Variants in CDYL2 observed in about 807,000 individuals in gnomAD.
CDYL2 encodes the protein chromodomain Y like 2, also known as chromodomain Y-like protein 2.
CDYL2 carries 23 observed loss-of-function variants against 49.4 expected under a neutral mutation model. The observed-to-expected ratio is 0.47, with a 90% confidence interval of 0.34 to 0.66. The LOEUF is 0.66. Ranked by LOEUF, CDYL2 falls within the 30% of genes least tolerant of loss-of-function variation. The pLI is 0.01. For synonymous variants in CDYL2, 360 were observed against 268.8 expected, an observed-to-expected ratio of 1.34 and a Z score of -3.32; for missense variants, 678 against 656.4, an observed-to-expected ratio of 1.03 and a Z score of -0.36.
chr16:80,655,449 C>T (rs1470974282), intron 2 of CDYL2, among the ~76,000 whole-genome samples: 1 of 151,988 alleles, frequency 6.6e-6, no homozygotes, highest in Non-Finnish European at 1.5e-5. Context: ...GTAACTAATA[C>T]CTAAAAAAAT....
intron 1 of CDYL2, among the ~76,000 whole-genome samples, chr16:80,688,245 T>C (rs139088707): frequency 0.02 from 2,996 of 152,256 alleles, 33 homozygotes; most frequent in African/African-American, 0.031. Context: ...GGGTGGCTTG[T>C]CAACAATTTC....
intron 2 of CDYL2, among the ~76,000 whole-genome samples, chr16:80,675,454 T>G (rs1013915765): frequency 2.6e-5 from 4 of 152,162 alleles, no homozygotes; most frequent in Admixed American, 2.0e-4. Context: ...TTACCTGCAG[T>G]AAGACCTCAA....
At position 80,765,731 on chromosome 16, in the gene CDYL2, A is replaced by G. The variant is rs1191596646; in HGVS notation, c.24+38419T>C. Among the ~76,000 whole-genome samples the G allele has an allele frequency of 2.7e-5, 3 of 110,736 alleles. No homozygotes were observed. In the East Asian group the frequency reaches 6.4e-4, roughly 24 times the overall value. 72.6% of individuals were successfully genotyped at this position (110,736 alleles called of 152,430 possible). The stretch of plus-strand genomic sequence containing the variant: ...CCATACAAGGGAGTATTAATCGCAA[A>G]AAAAAAAAAAAAAAAAAAAAGGGAA... On this transcript the variant is annotated intron_variant, in intron 1 of 6. Transcript: ENST00000570137.
chr16:80,624,766 T>C (rs1445093131), intron 3 of CDYL2, among the ~76,000 whole-genome samples: 1 of 151,778 alleles, frequency 6.6e-6, no homozygotes, highest in Non-Finnish European at 1.5e-5. Context: ...AAAAAATAGA[T>C]TTGAGGAGAA....
In CDYL2 at chr16:80,666,393, G is replaced by C. The variant is rs148357607; in HGVS notation, c.616+18145C>G. Among the ~76,000 whole-genome samples the C allele has an allele frequency of 3.9e-3, 589 of 152,248 alleles. 3 individuals carry two copies. Among genetic ancestry groups the C allele is most frequent in the African/African-American group, 0.014 (561 of 41,550 alleles). ...CATAAATTACATGATTTGGGCATTC[G>C]CTCTCTCATAGCAAAGAACTGCGCA... is the stretch of plus-strand genomic sequence containing the variant. On this transcript the variant is annotated intron_variant, in intron 2 of 6. Transcript: ENST00000570137.
intron 1 of CDYL2, among the ~76,000 whole-genome samples, chr16:80,734,810 G>C (rs1322084473): frequency 2.6e-5 from 4 of 152,078 alleles, no homozygotes; most frequent in Non-Finnish European, 5.9e-5. Flanking sequence ...TCCTAATTTT[G>C]TAACCTGCTG....
chr16:80,759,120 A>ATATATATATATATATATTGTT (rs1555535892), intron 1 of CDYL2, among the ~76,000 whole-genome samples: 1 of 122,700 alleles, frequency 8.1e-6, no homozygotes, highest in Non-Finnish European at 1.6e-5. Context: ...ATATATATAT[A>ATATATATATATATATATTGTT]TATATATATA....
chr16:80,669,397 TC>T (rs1469607231), intron 2 of CDYL2, among the ~76,000 whole-genome samples: 1 of 151,994 alleles, frequency 6.6e-6, no homozygotes, highest in African/African-American at 2.4e-5. Context: ...AGGACAATGG[TC>T]CTCAGAACCA....
intron 1 of CDYL2, among the ~76,000 whole-genome samples, chr16:80,773,001 T>C (rs986868796): frequency 6.6e-6 from 1 of 152,158 alleles, no homozygotes; most frequent in Non-Finnish European, 1.5e-5. Context: ...AATATTCCAA[T>C]TAAAACATAA....
intron 2 of CDYL2, among the ~76,000 whole-genome samples, chr16:80,640,434 C>A (rs1213470456): frequency 6.6e-6 from 1 of 152,084 alleles, no homozygotes; most frequent in Non-Finnish European, 1.5e-5. Context: ...ACAGGTACCA[C>A]GTTGAGGGCC....
intron 1 of CDYL2, among the ~76,000 whole-genome samples, chr16:80,735,750 G>A (rs914265936): frequency 1.3e-5 from 2 of 152,190 alleles, no homozygotes; most frequent in African/African-American, 4.8e-5. Context: ...GTACTCTGAA[G>A]CCATGGCACT....
chr16:80,682,155 C>T (rs1909991611), intron 2 of CDYL2, among the ~76,000 whole-genome samples: 1 of 152,134 alleles, frequency 6.6e-6, no homozygotes, highest in Non-Finnish European at 1.5e-5. Flanking sequence ...AGAACCAGTG[C>T]CTTAACCTTA....
At chr16:80,665,587 C>A (rs1197445817) in intron 2 of CDYL2, among the ~76,000 whole-genome samples, 1 of 151,610 alleles carries the variant, frequency 6.6e-6, no homozygotes, top group African/African-American at 2.4e-5. Context: ...CTGGTGGAAG[C>A]CAGGCCAGAG....
chr16:80,755,847 G>A (rs577947188), intron 1 of CDYL2, among the ~76,000 whole-genome samples: 1 of 152,258 alleles, frequency 6.6e-6, no homozygotes. Flanking sequence ...TGGAGACTAT[G>A]GGAGCAGGGG....
chr16:80,752,480 A>T (rs1351723986), intron 1 of CDYL2, among the ~76,000 whole-genome samples: 1 of 152,232 alleles, frequency 6.6e-6, no homozygotes, highest in African/African-American at 2.4e-5. Context: ...ATAAAAGCAA[A>T]GACAAAGATA....
At chr16:80,758,401 C>G (rs902624900) in intron 1 of CDYL2, among the ~76,000 whole-genome samples, 2 of 152,006 alleles carry the variant, frequency 1.3e-5, no homozygotes, top group Non-Finnish European at 2.9e-5. Flanking sequence ...GGTGGTTTTG[C>G]AAGGGGTTGG....
chr16:80,687,232 G>C (rs1597174501), intron 1 of CDYL2, among the ~76,000 whole-genome samples: 1 of 152,216 alleles, frequency 6.6e-6, no homozygotes, highest in Non-Finnish European at 1.5e-5. Flanking sequence ...TTTCCTGGGA[G>C]CTAAGGGATG....
chr16:80,783,526 C>T (rs184851424), intron 1 of CDYL2, among the ~76,000 whole-genome samples: 19 of 152,254 alleles, frequency 1.2e-4, no homozygotes, highest in African/African-American at 4.6e-4. Context: ...ATCAAGGACT[C>T]AAACAGATAC....
chr16:80,653,858 G>A (rs944749314), intron 2 of CDYL2, among the ~76,000 whole-genome samples: 1 of 152,208 alleles, frequency 6.6e-6, no homozygotes, highest in African/African-American at 2.4e-5. Context: ...GGGATCATGG[G>A]AGGATTGTGA....
Sources: gnomAD v4.1 joint callset for allele counts (sites outside exome capture counted in the v4.1 genomes callset) on GRCh38, gnomAD v4.1.1 for gene constraint, MANE v1.5 for transcripts, NCBI Gene and HGNC (gene_info 2026-07-23, HGNC 2026-07-21) for gene names.